Variants in PDE10A observed in about 807,000 individuals in gnomAD.
PDE10A encodes phosphodiesterase 10A, also known as cAMP and cAMP-inhibited cGMP 3',5'-cyclic phosphodiesterase 10A.
PDE10A carries 39 observed loss-of-function variants against 97.7 expected under a neutral mutation model. The ratio of observed to expected loss-of-function variants is 0.40; its 90% CI spans 0.31 to 0.52. PDE10A has a LOEUF of 0.52. Among genes scored for constraint, PDE10A ranks in the 20% least tolerant of loss-of-function variants. The probability of loss-of-function intolerance (pLI) is 0.56; values close to 1 mark genes in which losing one functional copy is unlikely to be tolerated. For synonymous variants in PDE10A, 371 were observed against 376.8 expected (o/e 0.98, Z 0.18); for missense variants, 731 against 1,047.8 (o/e 0.70, Z 4.17).
chr6:165,555,581 A>G (rs2128333387), intron 1 of PDE10A, among the ~76,000 whole-genome samples: 1 of 152,366 alleles, frequency 6.6e-6, no homozygotes, highest in South Asian at 2.1e-4. Context: ...CTACTGTTTT[A>G]GATACATTGA....
intron 1 of PDE10A, among the ~76,000 whole-genome samples, chr6:165,935,987 C>T (rs1327741141): frequency 6.6e-6 from 1 of 152,196 alleles, no homozygotes; most frequent in Non-Finnish European, 1.5e-5. Context: ...CAGCACAAAA[C>T]AAACTAAGAC....
At chr6:165,535,580 T>A (rs141093805) in intron 2 of PDE10A, among the ~76,000 whole-genome samples, 1 of 151,822 alleles carries the variant, frequency 6.6e-6, no homozygotes, top group Non-Finnish European at 1.5e-5. Flanking sequence ...CTGAGTAGTA[T>A]TCTATGGGGT....
intron 3 of PDE10A, among the ~76,000 whole-genome samples, chr6:165,476,111 A>C (rs1022823073): frequency 6.6e-6 from 1 of 152,174 alleles, no homozygotes; most frequent in African/African-American, 2.4e-5. Context: ...CTCAAGGATA[A>C]ATACATTTAA....
intron 1 of PDE10A, among the ~76,000 whole-genome samples, chr6:165,685,187 A>G (rs897860301): frequency 2.0e-5 from 3 of 152,170 alleles, no homozygotes; most frequent in Non-Finnish European, 2.9e-5. Flanking sequence ...TGACTCATCA[A>G]CACAGGTAAG....
chr6:165,448,894 T>C (rs1479826779), intron 5 of PDE10A, 34 bp downstream of exon 5: 4 of 1,413,468 alleles, frequency 2.8e-6, no homozygotes, highest in Non-Finnish European at 4.0e-6. Context: ...TATTTTCTTA[T>C]CTAGAGCACC....
chr6:165,641,665 G>A (rs1397286685), intron 1 of PDE10A, among the ~76,000 whole-genome samples: 1 of 152,184 alleles, frequency 6.6e-6, no homozygotes, highest in East Asian at 1.9e-4. Flanking sequence ...CTGAGACCCT[G>A]AGCACAGCTA....
chr6:165,638,290 T>A (rs918056983), intron 1 of PDE10A, among the ~76,000 whole-genome samples: 1 of 152,170 alleles, frequency 6.6e-6, no homozygotes, highest in Non-Finnish European at 1.5e-5. Flanking sequence ...ATACTTCAGA[T>A]AACTTTTAAA....
intron 1 of PDE10A, among the ~76,000 whole-genome samples, chr6:165,951,465 C>G (rs1428790747): frequency 6.6e-6 from 1 of 152,082 alleles, no homozygotes; most frequent in Non-Finnish European, 1.5e-5. Flanking sequence ...AGCTGGATTG[C>G]CACAGCTCCT....
At chr6:165,476,769 A>G (rs1194918850) in intron 3 of PDE10A, among the ~76,000 whole-genome samples, 1 of 152,220 alleles carries the variant, frequency 6.6e-6, no homozygotes, top group Admixed American at 6.5e-5. Flanking sequence ...ATTTACTAAG[A>G]AAAAGAATCA....
intron 18 of PDE10A, among the ~76,000 whole-genome samples, chr6:165,363,321 C>T (rs1224857464): frequency 6.6e-6 from 1 of 151,804 alleles, no homozygotes; most frequent in Non-Finnish European, 1.5e-5. Context: ...TCAAGACCAG[C>T]CTGGTCAAGA....
At chr6:165,912,021 A>C (rs554218390) in intron 1 of PDE10A, among the ~76,000 whole-genome samples, 4 of 150,874 alleles carry the variant, frequency 2.7e-5, no homozygotes, top group Non-Finnish European at 5.9e-5. Context: ...CTCTCCATCT[A>C]TCTCTCTTTT....
intron 1 of PDE10A, among the ~76,000 whole-genome samples, chr6:165,804,578 G>A (rs1779065838): frequency 6.6e-6 from 1 of 152,150 alleles, no homozygotes. Flanking sequence ...CTGCAGGTTA[G>A]TTTCCTCCGA....
intron 1 of PDE10A, among the ~76,000 whole-genome samples, chr6:165,778,032 A>T (rs1583074549): frequency 3.3e-5 from 5 of 149,450 alleles, no homozygotes; most frequent in African/African-American, 2.4e-5. Flanking sequence ...AAAAGGCTAC[A>T]TTTTTTTTTC....
chr6:165,701,375 T>G (rs1043944119), intron 1 of PDE10A, among the ~76,000 whole-genome samples: 1 of 152,220 alleles, frequency 6.6e-6, no homozygotes, highest in African/African-American at 2.4e-5. Flanking sequence ...TCTTTATGAT[T>G]TTTCAAGAGA....
intron 2 of PDE10A, among the ~76,000 whole-genome samples, chr6:165,497,122 C>T (rs1402369067): frequency 6.6e-6 from 1 of 152,012 alleles, no homozygotes; most frequent in Non-Finnish European, 1.5e-5. Flanking sequence ...CATATAAGTT[C>T]ACAAGCCATA....
chr6:165,955,152 T>C (rs1286399315), intron 1 of PDE10A, among the ~76,000 whole-genome samples: 3 of 152,116 alleles, frequency 2.0e-5, no homozygotes, highest in Non-Finnish European at 4.4e-5. Flanking sequence ...CCAAGAGGGC[T>C]CGCACTCACC....
intron 1 of PDE10A, among the ~76,000 whole-genome samples, chr6:165,915,264 G>C (rs1394512391): frequency 2.0e-5 from 3 of 152,134 alleles, no homozygotes; most frequent in African/African-American, 7.2e-5. Flanking sequence ...TGGGGGACAA[G>C]GCAACAGAAG....
In PDE10A at chr6:165,907,461, C is replaced by G. The variant is rs535720017; in HGVS notation, c.-615+80068G>C. ...AGGTGCGAGTCACTTCAGAGACACT[C>G]TCTGTGCATTGCACAGTGGGAGCCG... On this transcript the variant is annotated intron_variant, in intron 1 of 19. Transcript: ENST00000366882. 2.6e-5 allele frequency among the ~76,000 whole-genome samples: 4 copies of G among 152,380 alleles called. No homozygotes were observed. The East Asian group carries it at 7.7e-4, about 29-fold the overall frequency.
intron 1 of PDE10A, among the ~76,000 whole-genome samples, chr6:165,954,375 C>G (rs1160533357): frequency 6.6e-6 from 1 of 152,146 alleles, no homozygotes; most frequent in Non-Finnish European, 1.5e-5. Context: ...TGCATAATAA[C>G]TGCTACATGT....
Sources: gnomAD v4.1 joint callset for allele counts (sites outside exome capture counted in the v4.1 genomes callset) on GRCh38, gnomAD v4.1.1 for gene constraint, MANE v1.5 for transcripts, NCBI Gene and HGNC (gene_info 2026-07-23, HGNC 2026-07-21) for gene names.